Variants in STPG2 observed in about 807,000 individuals in gnomAD.
The protein encoded by STPG2 is sperm tail PG-rich repeat containing 2.
A neutral mutation model predicts 54.2 loss-of-function variants in STPG2; 56 were observed. The ratio of observed to expected loss-of-function variants is 1.03; its 90% confidence interval spans 0.83 to 1.29. The LOEUF is 1.29. Among genes scored for constraint, STPG2 ranks in the 50% most tolerant of loss-of-function variants. The probability of loss-of-function intolerance (pLI) is 0.00; values close to 1 mark genes in which losing one functional copy is unlikely to be tolerated. For synonymous variants in STPG2, 200 were observed against 181.8 expected (o/e 1.10, Z -0.81); for missense variants, 596 against 544.9 (o/e 1.09, Z -0.93).
At chr4:98,116,127 C>G (rs767601038) in intron 3 of STPG2, among the ~76,000 whole-genome samples, 3 of 151,446 alleles carry the variant, frequency 2.0e-5, no homozygotes, top group Non-Finnish European at 4.4e-5. Flanking sequence ...AATAATTTAG[C>G]CAGGAAGTAA....
In STPG2 at chr4:97,795,713, C is replaced by T. The variant is rs1449584651; in HGVS notation, c.1204+45060G>A. Among the ~76,000 whole-genome samples the T allele has an allele frequency of 1.3e-5, 2 of 152,168 alleles. 1 individual carries two copies. Among genetic ancestry groups the T allele is most frequent in the East Asian group, 3.9e-4 (2 of 5,170 alleles). On this transcript the variant is annotated intron_variant, in intron 9 of 10. Coordinates refer to ENST00000295268, the MANE Select transcript of STPG2 (RefSeq NM_174952.3). ...GATTTATAATCCTTTGGGTATATAC[C>T]CAGTAATGGGATGGCTGGGTCAAAT...
chr4:97,978,565 A>G (rs946679129), intron 6 of STPG2, among the ~76,000 whole-genome samples: 1 of 152,122 alleles, frequency 6.6e-6, no homozygotes, highest in Admixed American at 6.5e-5. Flanking sequence ...GGGTACTAGG[A>G]TTAATATCTG....
chr4:97,804,309 C>T (rs1727486442), intron 9 of STPG2, among the ~76,000 whole-genome samples: 1 of 152,006 alleles, frequency 6.6e-6, no homozygotes, highest in Admixed American at 6.6e-5. Flanking sequence ...CCAACAGTGG[C>T]CCCATAAAAT....
At chr4:97,882,473 G>A (rs557416243) in intron 8 of STPG2, among the ~76,000 whole-genome samples, 35 of 152,268 alleles carry the variant, frequency 2.3e-4, no homozygotes, top group Admixed American at 2.2e-3. Flanking sequence ...ACTGGGAAAT[G>A]ATAGCATTTT....
chr4:97,997,145 T>A (rs1377176307), intron 5 of STPG2, among the ~76,000 whole-genome samples: 1 of 152,240 alleles, frequency 6.6e-6, no homozygotes, highest in East Asian at 1.9e-4. Context: ...ATGCATATGA[T>A]CACTGCAGCA....
At chr4:97,719,010 A>G (rs566100700) in intron 9 of STPG2, among the ~76,000 whole-genome samples, 1 of 152,096 alleles carries the variant, frequency 6.6e-6, no homozygotes, top group East Asian at 1.9e-4. Context: ...TACATTTCAG[A>G]TTTTGGATTT....
chr4:97,476,828 C>A (rs1055944243), intron 4 of STPG2, among the ~76,000 whole-genome samples: 1 of 152,002 alleles, frequency 6.6e-6, no homozygotes, highest in Non-Finnish European at 1.5e-5. Context: ...TTCTTTCATC[C>A]CAACAATAAA....
chr4:97,853,914 T>C (rs149631219), intron 8 of STPG2, among the ~76,000 whole-genome samples: 295 of 152,294 alleles, frequency 1.9e-3, no homozygotes, highest in African/African-American at 7.0e-3. Flanking sequence ...CCTGAGTAGC[T>C]GGAACTACAA....
intron 7 of STPG2, among the ~76,000 whole-genome samples, chr4:97,971,412 T>A (rs1314026853): frequency 1.3e-5 from 2 of 152,204 alleles, no homozygotes; most frequent in African/African-American, 4.8e-5. Flanking sequence ...CAAATGTCTA[T>A]CAATGATAGA....
At chr4:97,553,885 T>A (rs1461389765), downstream of STPG2, among the ~76,000 whole-genome samples, 1 of 152,224 alleles carries the variant, frequency 6.6e-6, no homozygotes, top group Non-Finnish European at 1.5e-5. Context: ...TTTTTCTCAG[T>A]ATTGGCTCAA....
chr4:98,028,218 T>A (rs1160211511), intron 5 of STPG2, among the ~76,000 whole-genome samples: 2 of 152,212 alleles, frequency 1.3e-5, no homozygotes, highest in Admixed American at 6.5e-5. Context: ...CGAATTTGAG[T>A]GTCTTTTTCA....
At chr4:97,508,916 T>C (rs1730910156) in intron 4 of STPG2, among the ~76,000 whole-genome samples, 1 of 152,166 alleles carries the variant, frequency 6.6e-6, no homozygotes, top group Admixed American at 6.6e-5. Flanking sequence ...ATCATAAAAA[T>C]TCTTCCCTTT....
At chr4:98,115,331 A>T (rs1241672632) in intron 3 of STPG2, among the ~76,000 whole-genome samples, 1 of 151,984 alleles carries the variant, frequency 6.6e-6, no homozygotes, top group Admixed American at 6.6e-5. Context: ...CATCATTCCA[A>T]TCACAAACTT....
At chr4:97,648,329 T>C (rs1721971818) in intron 10 of STPG2, among the ~76,000 whole-genome samples, 1 of 152,122 alleles carries the variant, frequency 6.6e-6, no homozygotes, top group Admixed American at 6.6e-5. Flanking sequence ...CTCAAAGAAT[T>C]GTAATGCTGG....
intron 10 of STPG2, among the ~76,000 whole-genome samples, chr4:97,680,963 T>C (rs1478932473): frequency 3.3e-5 from 5 of 151,970 alleles, no homozygotes; most frequent in South Asian, 2.1e-4. Flanking sequence ...CCATATAAAG[T>C]TCTAATTACT....
intron 7 of STPG2, among the ~76,000 whole-genome samples, chr4:97,944,336 A>G (rs1406918913): frequency 6.6e-6 from 1 of 151,828 alleles, no homozygotes; most frequent in Non-Finnish European, 1.5e-5. Context: ...TACTTAGCCA[A>G]TTATATAGTA....
At chr4:98,087,208 C>T (rs922041116) in intron 5 of STPG2, among the ~76,000 whole-genome samples, 4 of 150,286 alleles carry the variant, frequency 2.7e-5, no homozygotes, top group African/African-American at 9.9e-5. Flanking sequence ...ATATGCTATC[C>T]AACATGTTTT....
chr4:97,612,656 G>T (rs181634095), intron 10 of STPG2, among the ~76,000 whole-genome samples: 2 of 152,182 alleles, frequency 1.3e-5, no homozygotes, highest in Admixed American at 1.3e-4. Context: ...GGAGGCTGGG[G>T]AATATAGCCC....
intron 9 of STPG2, among the ~76,000 whole-genome samples, chr4:97,767,331 C>A (rs775630459): frequency 6.6e-6 from 1 of 152,082 alleles, no homozygotes; most frequent in African/African-American, 2.4e-5. Context: ...GATTTGATTT[C>A]ATTTTGTCCC....
Sources: allele counts gnomAD v4.1 joint callset (sites outside exome capture counted in the v4.1 genomes callset), GRCh38; gene constraint gnomAD v4.1.1; transcripts MANE v1.5; gene names NCBI Gene and HGNC (gene_info 2026-07-23, HGNC 2026-07-21).